Variants in EFNA1 observed in about 807,000 individuals in gnomAD.
The protein encoded by EFNA1 is ephrin A1.
EFNA1 carries 8 observed loss-of-function variants against 23.2 expected under a neutral mutation model. That is an observed-to-expected ratio of 0.34 (90% CI 0.20 to 0.62). The LOEUF (loss-of-function observed/expected upper bound fraction) is 0.62, where lower values mean the gene tolerates loss of function less well. EFNA1 is among the 20% of genes least tolerant of loss of function. EFNA1 has a pLI of 0.75. For synonymous variants in EFNA1, 89 were observed against 98.6 expected, an observed-to-expected ratio of 0.90 and a Z score of 0.58; for missense variants, 217 against 260.0, an observed-to-expected ratio of 0.83 and a Z score of 1.14.
intron 1 of EFNA1, among the ~76,000 whole-genome samples, chr1:155,130,246 G>A (rs1664202656): frequency 6.6e-6 from 1 of 152,192 alleles, no homozygotes; most frequent in Non-Finnish European, 1.5e-5. Context: ...GCAACTTAGC[G>A]CTAATTCTGC....
At chr1:155,130,812 CG>C (rs1664225553) in intron 1 of EFNA1, 2 of 984,990 alleles carry the variant, frequency 2.0e-6, no homozygotes, top group Non-Finnish European at 2.4e-6. Flanking sequence ...TCAGTGGGTC[CG>C]GGGAAATGTG....
intron 1 of EFNA1, 93 bp downstream of exon 1, chr1:155,128,162 G>C: frequency 3.4e-6 from 4 of 1,163,142 alleles, no homozygotes; most frequent in Non-Finnish European, 5.0e-6. Context: ...GCTGAGCCTA[G>C]AGTAGATGAC....
chr1:155,128,013 C>G lies in EFNA1; in HGVS notation c.36C>G (p.Cys12Trp). ...TCTGGGCCCCTCTCTTGGGTCTGTG[C>G]TGCAGTCTGGCCGCTGCTGATCGCC... ...EFLWAPLLGL[C>W]CSLAAADRHT... Residue 12 changes from cysteine (C) to tryptophan (W), a missense_variant, in exon 1 of 5, where the codon TGC becomes TGG. By Grantham distance (215) the Cys-to-Trp change is radical. Coordinates refer to ENST00000368407, the MANE Select transcript of EFNA1 (RefSeq NM_004428.3). 1 of 1,613,702 alleles carries G rather than the reference C, an allele frequency of 6.2e-7. No homozygotes were observed. The highest frequency in any genetic ancestry group is 1.1e-5 in the South Asian group (1 of 91,086).
At chr1:155,131,669 T>C (rs1450341812) in intron 2 of EFNA1, 35 bp downstream of exon 2, 2 of 1,589,522 alleles carry the variant, frequency 1.3e-6, no homozygotes, top group Non-Finnish European at 1.7e-6. Flanking sequence ...TCTGTGTTTC[T>C]TTTTTGCCAT....
rs2102468904 is a variant in EFNA1, at chr1:155,127,889, C to T, written c.-89C>T. On this transcript the variant is annotated 5_prime_UTR_variant, in exon 1 of 5. Coordinates refer to ENST00000368407, the MANE Select transcript of EFNA1 (RefSeq NM_004428.3). The surrounding 1 kb of genome is among the most constrained non-coding windows in gnomAD (Gnocchi z 4.4). ...GGCGAAGGGGCCAGATCTGTGAGCC[C>T]AGCGCTGACTGCGCCGCGGAGAAAG... The T allele has an allele frequency of 9.6e-7, 1 of 1,042,574 alleles. No individual in the cohort carries two copies. The highest frequency in any genetic ancestry group is 2.6e-5 in the East Asian group (1 of 38,276). The allele number at this position is 1,042,574 out of a possible 1,614,324, so 64.6% of individuals were successfully genotyped here.
chr1:155,130,898 G>C, intron 1 of EFNA1: 1 of 985,322 alleles, frequency 1.0e-6, no homozygotes, highest in East Asian at 1.1e-4. Flanking sequence ...AGGGTTTCCT[G>C]GATTCTGATT....
At chr1:155,131,221 G>T in intron 1 of EFNA1, 118 bp from the exon 2 acceptor site, 1 of 1,427,172 alleles carries the variant, frequency 7.0e-7, no homozygotes, top group South Asian at 1.4e-5. Flanking sequence ...TGAAACTTCG[G>T]AAAAATCTCT....
intron 4 of EFNA1, 67 bp downstream of exon 4, chr1:155,133,847 G>C (rs922133562): frequency 4.4e-6 from 7 of 1,608,234 alleles, no homozygotes; most frequent in Middle Eastern, 3.3e-4. Flanking sequence ...TTGGGTACAG[G>C]AGGTGGCTCC....
At position 155,134,725 on chromosome 1, in the gene EFNA1, T is replaced by TG. The variant is rs1664340724; in HGVS notation, c.*659dup. ...GCCCATGTGTACATTCTGCCTAGAG[T>TG]GTAGCCTAAAGGGCAGGGCCCACGT... On this transcript the variant is annotated 3_prime_UTR_variant, in exon 5 of 5. Coordinates refer to ENST00000368407, the MANE Select transcript of EFNA1 (RefSeq NM_004428.3). 6.2e-6 allele frequency: 1 copy of TG among 160,472 alleles called. No individual in the cohort carries two copies. Among genetic ancestry groups the TG allele is most frequent in the Non-Finnish European group, 1.4e-5 (1 of 71,908 alleles). The allele number at this position is 160,472 out of a possible 1,614,324, so 9.9% of individuals were successfully genotyped here.
At position 155,133,949 on chromosome 1, in the gene EFNA1, T is replaced by A. The variant is rs768890807; in HGVS notation, c.506-6T>A. The A allele has an allele frequency of 5.0e-6, 8 of 1,613,888 alleles. No homozygotes were observed. Among genetic ancestry groups the A allele is most frequent in the Non-Finnish European group, 6.8e-6 (8 of 1,179,880 alleles). ...CACTGGTGGCCTTTGCCCTCTCACC[T>A]TGCAGATGACCCAGAGGTGCGGGTT... On this transcript the variant is annotated splice_region_variant and splice_polypyrimidine_tract_variant and intron_variant, in intron 4 of 4. Transcript: ENST00000368407.
intron 1 of EFNA1, chr1:155,130,700 G>T (rs1664221903): frequency 1.0e-6 from 1 of 985,336 alleles, no homozygotes; most frequent in African/African-American, 1.7e-5. Context: ...TGAATGAATT[G>T]ATGAGAGTGA....
At chr1:155,130,827 G>A (rs546588373) in intron 1 of EFNA1, 4 of 985,350 alleles carry the variant, frequency 4.1e-6, no homozygotes, top group East Asian at 2.3e-4. Context: ...AAATGTGAGA[G>A]GAGTAAGGAA....
rs1234872058 is a variant in EFNA1, at chr1:155,133,965, G to C, written c.516G>C (p.Glu172Asp). Residue 172 changes from glutamate to aspartate, a missense_variant, in exon 5 of 5, where the codon GAG becomes GAC. Transcript: ENST00000368407. ...QEKRLAADDP[E>D]VRVLHSIGHS... Reference sequence around the variant, plus strand: ...CCTCTCACCTTGCAGATGACCCAGAGGTGCGGGTTCTACATAGCATCGGTC... The same window carrying C: ...CCTCTCACCTTGCAGATGACCCAGACGTGCGGGTTCTACATAGCATCGGTC... 1 of 1,614,058 alleles carries C rather than the reference G, an allele frequency of 6.2e-7. No homozygotes were observed. The highest frequency in any genetic ancestry group is 1.3e-5 in the African/African-American group (1 of 75,036).
At chr1:155,131,288 GGCCT>G in intron 1 of EFNA1, 47 bp from the exon 2 acceptor site, 1 of 1,569,382 alleles carries the variant, frequency 6.4e-7, no homozygotes, top group Non-Finnish European at 8.7e-7. Context: ...CCAAGGATCT[GGCCT>G]GGCTTCTGAA....
In EFNA1 at chr1:155,128,127, G is replaced by A. The variant is rs1664140785; in HGVS notation, c.92+58G>A. 8 of 1,500,314 alleles carry A rather than the reference G, an allele frequency of 5.3e-6. No homozygotes were observed. In the South Asian group the frequency reaches 6.8e-5, roughly 13 times the overall value. The allele number at this position is 1,500,314 out of a possible 1,614,324, so 92.9% of individuals were successfully genotyped here. ...CTCCCGGCTGGCACTACCCCACCGG[G>A]ATAACTGTCCCGGCCAAACCCTGAG... is the stretch of plus-strand genomic sequence containing the variant. On this transcript the variant is annotated intron_variant, in intron 1 of 4. Transcript: ENST00000368407.
intron 1 of EFNA1, among the ~76,000 whole-genome samples, chr1:155,128,946 A>G (rs1388626804): frequency 6.6e-6 from 1 of 152,116 alleles, no homozygotes. Flanking sequence ...AGAAGTGGGC[A>G]GCTTGGTATC....
At chr1:155,130,707 G>T (rs1024177287) in intron 1 of EFNA1, 2 of 985,288 alleles carry the variant, frequency 2.0e-6, no homozygotes, top group South Asian at 9.4e-5. Flanking sequence ...ATTGATGAGA[G>T]TGATTTAACT....
Position 155,131,007 on chromosome 1 carries a change from AATG to A in EFNA1, c.93-329_93-327del, listed in dbSNP as rs922921168. 32 of 985,258 alleles carry A rather than the reference AATG, an allele frequency of 3.2e-5. No individual in the cohort carries two copies. The African/African-American group carries it at 5.1e-4, about 16-fold the overall frequency. 61.0% of individuals were successfully genotyped at this position (985,258 alleles called of 1,614,324 possible). On this transcript the variant is annotated intron_variant, in intron 1 of 4. Coordinates refer to ENST00000368407, the MANE Select transcript of EFNA1 (RefSeq NM_004428.3). ...GGGGAAATATTTATGGGTAGAAGAG[AATG>A]ATAAGTGAGCTACAGAAATAGGTAG...
intron 1 of EFNA1, chr1:155,130,388 C>A: frequency 2.1e-6 from 1 of 469,588 alleles, no homozygotes; most frequent in Non-Finnish European, 2.8e-6. Context: ...TGGGGAGGGG[C>A]TGGTGGGCAG....
Sources: allele counts gnomAD v4.1 joint callset (sites outside exome capture counted in the v4.1 genomes callset), GRCh38; gene constraint gnomAD v4.1.1; non-coding constraint Gnocchi (gnomAD v3.1); transcripts MANE v1.5; gene names NCBI Gene and HGNC (gene_info 2026-07-23, HGNC 2026-07-21).